MRPL34: variants seen among roughly 807,000 people sequenced by gnomAD.
MRPL34 encodes mitochondrial ribosomal protein L34.
In MRPL34, 8 loss-of-function variants were observed where a neutral mutation model predicts 6.7. The observed-to-expected ratio is 1.20, with a 90% CI of 0.70 to 2.16. The LOEUF (loss-of-function observed/expected upper bound fraction) is 2.16. Among genes scored for constraint, MRPL34 ranks in the 30% most tolerant of loss-of-function variants. MRPL34 has a pLI of 0.00. For synonymous variants in MRPL34, 59 were observed against 55.1 expected (o/e 1.07, Z -0.31); for missense variants, 146 against 125.5 (o/e 1.16, Z -0.78).
At chr19:17,292,860 C>T in intron 1 of MRPL34, 6 of 1,599,704 alleles carry the variant, frequency 3.8e-6, no homozygotes, top group Non-Finnish European at 5.1e-6. Flanking sequence ...TCAAGGTAGG[C>T]GGGGGCAAGA....
intron 1 of MRPL34, chr19:17,294,792 A>G (rs528302809): frequency 6.2e-7 from 1 of 1,614,216 alleles, no homozygotes; most frequent in South Asian, 1.1e-5. Flanking sequence ...GATCATGATC[A>G]CCTTGTGCAC....
chr19:17,306,360 G>A lies in MRPL34; in HGVS notation c.260G>A (p.Arg87His), dbSNP rs550266179. The change falls in exon 2 of 2, where the codon CGC becomes CAC. Residue 87 changes from arginine to histidine, a missense_variant. Transcript: ENST00000252602. ...QVILRRMLKG[R>H]KSLSH ...ATCCTTCGCCGAATGCTCAAGGGCC[G>A]CAAGTCGCTGAGCCATTGAGGATCG... The A allele has an allele frequency of 1.9e-6, 3 of 1,601,626 alleles. No individual in the cohort carries two copies. The highest frequency in any genetic ancestry group is 2.7e-5 in the African/African-American group (2 of 74,628).
chr19:17,303,996 C>T (rs1039476968), upstream of MRPL34, among the ~76,000 whole-genome samples: 1 of 151,514 alleles, frequency 6.6e-6, no homozygotes, highest in South Asian at 2.1e-4. Context: ...GACGAGGTCT[C>T]GCTATCTTGC....
chr19:17,300,712 A>T, upstream of MRPL34: 1 of 1,060,948 alleles, frequency 9.4e-7, no homozygotes, highest in Non-Finnish European at 1.4e-6. Flanking sequence ...TCCCAACCTC[A>T]GGTGATCCGC....
upstream of MRPL34, chr19:17,300,977 C>G: frequency 6.2e-7 from 1 of 1,613,490 alleles, no homozygotes; most frequent in Non-Finnish European, 8.5e-7. Flanking sequence ...GAGCTGGCCC[C>G]GTGGCCGGCC....
At chr19:17,294,599 C>T in intron 1 of MRPL34, 1 of 1,606,486 alleles carries the variant, frequency 6.2e-7, no homozygotes, top group Non-Finnish European at 8.5e-7. Context: ...GGTACAGTCC[C>T]CCCTCCCATC....
At chr19:17,301,778 G>GTT (rs1307682028), upstream of MRPL34, among the ~76,000 whole-genome samples, 9 of 43,052 alleles carry the variant, frequency 2.1e-4, no homozygotes, top group Admixed American at 5.2e-4. Context: ...TTTTTTGTTT[G>GTT]TGTGTGTGTG....
upstream of MRPL34, chr19:17,301,419 A>G: frequency 6.2e-7 from 1 of 1,612,182 alleles, no homozygotes; most frequent in Middle Eastern, 1.7e-4. Flanking sequence ...CCTGGGCTGC[A>G]TCCGAGGATG....
intron 1 of MRPL34, 97 bp from the exon 2 acceptor site, chr19:17,306,069 C>CA (rs1310948509): frequency 1.3e-6 from 2 of 1,523,996 alleles, no homozygotes; most frequent in African/African-American, 1.4e-5. Flanking sequence ...ATTTTGCAGC[C>CA]AGGCTCTGTC....
At chr19:17,300,238 C>T (rs1295417852), upstream of MRPL34, among the ~76,000 whole-genome samples, 2 of 150,898 alleles carry the variant, frequency 1.3e-5, no homozygotes, top group East Asian at 3.9e-4. Context: ...CAGGTTCTTG[C>T]CATGCTGCCC....
chr19:17,301,119 G>T (rs1349580247), upstream of MRPL34: 1 of 1,613,124 alleles, frequency 6.2e-7, no homozygotes, highest in East Asian at 2.2e-5. Flanking sequence ...TGCAGCTAGT[G>T]ATGCGCTTCT....
intron 1 of MRPL34, chr19:17,294,156 AC>A (rs759189290): frequency 5.3e-6 from 6 of 1,142,456 alleles, no homozygotes; most frequent in East Asian, 2.6e-5. Flanking sequence ...GGCCACGCCC[AC>A]CCGGCAGCCA....
At chr19:17,301,356 A>T, upstream of MRPL34, 3 of 1,610,128 alleles carry the variant, frequency 1.9e-6, no homozygotes, top group Non-Finnish European at 2.5e-6. Context: ...GCAACCGCCC[A>T]TTGCGGTACA....
At chr19:17,306,093 G>A (rs939039196) in intron 1 of MRPL34, 73 bp from the exon 2 acceptor site, 8 of 1,498,088 alleles carry the variant, frequency 5.3e-6, no homozygotes, top group Non-Finnish European at 7.2e-6. Context: ...GGGAGCCGAG[G>A]CTCAGAGAGG....
At chr19:17,306,115 G>C (rs2074146057) in intron 1 of MRPL34, 51 bp from the exon 2 acceptor site, 2 of 1,496,006 alleles carry the variant, frequency 1.3e-6, no homozygotes, top group Admixed American at 4.4e-5. Context: ...TGAGCGCCAA[G>C]GTCACCCAGC....
intron 1 of MRPL34, among the ~76,000 whole-genome samples, chr19:17,293,443 G>A (rs1373213335): frequency 9.5e-6 from 1 of 105,706 alleles, no homozygotes; most frequent in Non-Finnish European, 1.8e-5. Context: ...TTAGGAGCTG[G>A]ATCATTCTTT....
chr19:17,292,576 T>C, upstream of MRPL34: 1 of 1,381,452 alleles, frequency 7.2e-7, no homozygotes, highest in Admixed American at 2.9e-5. Context: ...CCCGCCCAGG[T>C]GGTCTGCGCT....
chr19:17,301,139 T>C (rs2074115585), upstream of MRPL34: 1 of 1,612,634 alleles, frequency 6.2e-7, no homozygotes, highest in Non-Finnish European at 8.5e-7. Context: ...TCACAGTCAA[T>C]ATGGATGGTC....
chr19:17,304,749 C>T (rs541103171), upstream of MRPL34, among the ~76,000 whole-genome samples: 3 of 152,180 alleles, frequency 2.0e-5, no homozygotes, highest in South Asian at 2.1e-4. Context: ...GGAAAGCAGT[C>T]GGGCCAGAAG....
Sources: gnomAD v4.1 joint callset for allele counts (sites outside exome capture counted in the v4.1 genomes callset) on GRCh38, gnomAD v4.1.1 for gene constraint, MANE v1.5 for transcripts, NCBI Gene and HGNC (gene_info 2026-07-23, HGNC 2026-07-21) for gene names.